Variants in NETO2 observed in about 807,000 individuals in gnomAD.
NETO2 encodes neuropilin and tolloid-like protein 2.
Under a neutral mutation model 62.5 loss-of-function variants are expected in NETO2, and 28 were observed. That is an observed-to-expected ratio of 0.45 (90% CI 0.33 to 0.61). The LOEUF (loss-of-function observed/expected upper bound fraction) is 0.61. NETO2 is among the 20% of genes least tolerant of loss of function. NETO2 has a pLI of 0.02. For synonymous variants in NETO2, 214 were observed against 219.1 expected (o/e 0.98, Z 0.21); for missense variants, 548 against 643.2 (o/e 0.85, Z 1.60).
chr16:47,137,208 C>T (rs149593878), intron 1 of NETO2, among the ~76,000 whole-genome samples: 82 of 152,286 alleles, frequency 5.4e-4, no homozygotes, highest in Non-Finnish European at 1.1e-3. Flanking sequence ...TCACTGTGAC[C>T]GTGGTCCTCA....
In NETO2 at chr16:47,079,888, C is replaced by T. The variant is rs1963032503; in HGVS notation, c.*3333G>A. ...TTGAGAATTATTCCTGAAATCACAACCAGGCTTCTCCCGTCCCCTCTCATC... is the reference window on the plus strand; with the variant it reads ...TTGAGAATTATTCCTGAAATCACAATCAGGCTTCTCCCGTCCCCTCTCATC... On this transcript the variant is annotated 3_prime_UTR_variant, in exon 9 of 9. Coordinates refer to ENST00000562435, the MANE Select transcript of NETO2 (RefSeq NM_018092.5). 6.6e-6 allele frequency: 1 copy of T among 152,170 alleles called. No individual in the cohort carries two copies. The highest frequency in any genetic ancestry group is 2.4e-5 in the African/African-American group (1 of 41,432). 9.4% of individuals were successfully genotyped at this position (152,170 alleles called of 1,614,324 possible). A position where few individuals can be genotyped will look rare whatever the true frequency, so the allele number is the denominator to read the frequency against.
intron 7 of NETO2, among the ~76,000 whole-genome samples, chr16:47,093,108 G>T (rs2143827235): frequency 6.6e-6 from 1 of 152,262 alleles, no homozygotes; most frequent in Non-Finnish European, 1.5e-5. Flanking sequence ...ACTTTATAGT[G>T]TCAACTCCCT....
chr16:47,097,573 G>C (rs1225614038), intron 7 of NETO2, among the ~76,000 whole-genome samples: 1 of 152,232 alleles, frequency 6.6e-6, no homozygotes. Context: ...AGCACCTGGG[G>C]GAAGGGGCCG....
chr16:47,113,399 G>T (rs1963842168), intron 6 of NETO2, among the ~76,000 whole-genome samples: 1 of 152,036 alleles, frequency 6.6e-6, no homozygotes, highest in African/African-American at 2.4e-5. Context: ...GGTAAGCAAT[G>T]ATCTGTTCTT....
Position 47,083,817 on chromosome 16 carries a change from G to T in NETO2, c.998-16C>A. The T allele has an allele frequency of 6.5e-7, 1 of 1,539,792 alleles. No homozygotes were observed. Among genetic ancestry groups the T allele is most frequent in the South Asian group, 1.2e-5 (1 of 82,398 alleles). On this transcript the variant is annotated splice_polypyrimidine_tract_variant and intron_variant, in intron 8 of 8. Transcript: ENST00000562435. ...TTTTTCTTTTCTGCAGAAAGAAAAT[G>T]AGAAACGTTAAGTTTTCAAAATACA...
chr16:47,109,817 G>C (rs1331639693), intron 6 of NETO2, 106 bp from the exon 7 acceptor site: 1 of 733,854 alleles, frequency 1.4e-6, no homozygotes, highest in East Asian at 2.7e-5. Context: ...ACAGCTGACA[G>C]AAAACCATAA....
chr16:47,121,961 T>C (rs1023010104), intron 6 of NETO2, among the ~76,000 whole-genome samples: 1 of 152,226 alleles, frequency 6.6e-6, no homozygotes, highest in Non-Finnish European at 1.5e-5. Flanking sequence ...CAGGTTACCT[T>C]ATCTATCATA....
At chr16:47,134,494 T>C (rs1295793359) in intron 1 of NETO2, among the ~76,000 whole-genome samples, 1 of 152,188 alleles carries the variant, frequency 6.6e-6, no homozygotes, top group Non-Finnish European at 1.5e-5. Flanking sequence ...TAGTAGGTAT[T>C]TGATAATTCA....
intron 4 of NETO2, among the ~76,000 whole-genome samples, chr16:47,126,423 G>A (rs1964158371): frequency 6.6e-6 from 1 of 152,186 alleles, no homozygotes; most frequent in Non-Finnish European, 1.5e-5. Context: ...TCTGGAAATA[G>A]CAAGACTAGG....
At position 47,081,507 on chromosome 16, in the gene NETO2, A is replaced by C. The variant is rs1963060293; in HGVS notation, c.*1714T>G. ...ATATTATCTACTTTTTTAAAAAACA[A>C]AAATTTTGATACAAGAAAGCACTCT... On this transcript the variant is annotated 3_prime_UTR_variant, in exon 9 of 9. Coordinates refer to ENST00000562435, the MANE Select transcript of NETO2 (RefSeq NM_018092.5). 1 of 152,542 alleles carries C rather than the reference A, an allele frequency of 6.6e-6. No individual in the cohort carries two copies. Among genetic ancestry groups the C allele is most frequent in the African/African-American group, 2.4e-5 (1 of 41,456 alleles). The allele number at this position is 152,542 out of a possible 1,614,324, so 9.4% of individuals were successfully genotyped here.
intron 1 of NETO2, among the ~76,000 whole-genome samples, chr16:47,143,023 G>A (rs1242816621): frequency 6.6e-6 from 1 of 151,976 alleles, no homozygotes; most frequent in East Asian, 1.9e-4. Context: ...GCCCGCAGTG[G>A]TGCCGCAGCC....
At chr16:47,113,978 G>T (rs998940143) in intron 6 of NETO2, among the ~76,000 whole-genome samples, 1 of 152,034 alleles carries the variant, frequency 6.6e-6, no homozygotes, top group African/African-American at 2.4e-5. Flanking sequence ...TTACTTATAG[G>T]TTTTTTTCCA....
At chr16:47,124,327 T>G (rs1315942066) in intron 4 of NETO2, among the ~76,000 whole-genome samples, 1 of 152,156 alleles carries the variant, frequency 6.6e-6, no homozygotes, top group Non-Finnish European at 1.5e-5. Context: ...TCATATGTAT[T>G]CCAGAAATCT....
At chr16:47,088,751 T>A (rs1470545891) in intron 7 of NETO2, among the ~76,000 whole-genome samples, 1 of 152,220 alleles carries the variant, frequency 6.6e-6, no homozygotes, top group African/African-American at 2.4e-5. Flanking sequence ...ATAGGAAGTT[T>A]GGAATATCTG....
intron 8 of NETO2, among the ~76,000 whole-genome samples, chr16:47,085,753 C>T (rs1963175190): frequency 6.6e-6 from 1 of 152,084 alleles, no homozygotes; most frequent in Non-Finnish European, 1.5e-5. Context: ...TGCTTTTCAC[C>T]ACATCCCAGG....
At chr16:47,093,475 A>G (rs1191578802) in intron 7 of NETO2, among the ~76,000 whole-genome samples, 1 of 152,160 alleles carries the variant, frequency 6.6e-6, no homozygotes, top group Admixed American at 6.5e-5. Flanking sequence ...CACTGTCACT[A>G]TTTGCCTAGG....
intron 7 of NETO2, among the ~76,000 whole-genome samples, chr16:47,097,871 C>T (rs1364151802): frequency 6.6e-6 from 1 of 152,164 alleles, no homozygotes; most frequent in Non-Finnish European, 1.5e-5. Flanking sequence ...ACTAGTGATA[C>T]ACAGGCAAAC....
intron 1 of NETO2, among the ~76,000 whole-genome samples, chr16:47,137,410 T>C (rs983065400): frequency 6.6e-6 from 1 of 152,160 alleles, no homozygotes; most frequent in Non-Finnish European, 1.5e-5. Flanking sequence ...GGCAGATTAC[T>C]GAAAGCAACA....
At chr16:47,102,248 T>C (rs2143864670) in intron 7 of NETO2, among the ~76,000 whole-genome samples, 1 of 152,274 alleles carries the variant, frequency 6.6e-6, no homozygotes, top group South Asian at 2.1e-4. Flanking sequence ...AAACTGAAAC[T>C]GGACCCCTTC....
Sources: gnomAD v4.1 joint callset for allele counts (sites outside exome capture counted in the v4.1 genomes callset) on GRCh38, gnomAD v4.1.1 for gene constraint, MANE v1.5 for transcripts, NCBI Gene and HGNC (gene_info 2026-07-23, HGNC 2026-07-21) for gene names.